Variants in CRIM1 observed in about 807,000 individuals in gnomAD.
CRIM1 encodes the protein cysteine rich transmembrane BMP regulator 1, also known as cysteine-rich motor neuron 1 protein.
In CRIM1, 32 loss-of-function variants were observed where a neutral mutation model predicts 116.4. That is an observed-to-expected ratio of 0.27 (90% CI 0.21 to 0.37). The LOEUF (loss-of-function observed/expected upper bound fraction) is 0.37. CRIM1 is among the 10% of genes least tolerant of loss of function. The pLI is 1.00. For synonymous variants in CRIM1, 590 were observed against 509.2 expected (o/e 1.16, Z -2.13); for missense variants, 1,331 against 1,354.8 (o/e 0.98, Z 0.28).
chr2:36,448,571 C>T (rs1180376091), intron 4 of CRIM1, among the ~76,000 whole-genome samples: 1 of 152,228 alleles, frequency 6.6e-6, no homozygotes, highest in Admixed American at 6.5e-5. Flanking sequence ...ATACCTCCAC[C>T]TTACTCACTT....
intron 8 of CRIM1, among the ~76,000 whole-genome samples, chr2:36,499,987 A>C (rs1680872656): frequency 6.6e-6 from 1 of 152,030 alleles, no homozygotes; most frequent in Admixed American, 6.6e-5. Context: ...ATCATTTGAC[A>C]CACAATATGT....
intron 2 of CRIM1, among the ~76,000 whole-genome samples, chr2:36,411,094 T>TA (rs1239136584): frequency 6.6e-6 from 1 of 152,240 alleles, no homozygotes; most frequent in Non-Finnish European, 1.5e-5. Flanking sequence ...TCTGTGGTAC[T>TA]AAAAAGAAAA....
At chr2:36,402,565 AT>A (rs919497697) in intron 2 of CRIM1, among the ~76,000 whole-genome samples, 14 of 151,956 alleles carry the variant, frequency 9.2e-5, no homozygotes, top group Non-Finnish European at 1.9e-4. Flanking sequence ...GTTTGACATG[AT>A]TTGTCTTTTA....
chr2:36,439,429 T>C (rs1394036824), intron 2 of CRIM1, among the ~76,000 whole-genome samples: 1 of 152,190 alleles, frequency 6.6e-6, no homozygotes, highest in African/African-American at 2.4e-5. Context: ...TCTTTCTATA[T>C]AATCAAATCT....
intron 2 of CRIM1, among the ~76,000 whole-genome samples, chr2:36,427,418 A>G (rs1440953532): frequency 1.3e-5 from 2 of 152,160 alleles, no homozygotes; most frequent in African/African-American, 4.8e-5. Flanking sequence ...AAGGATCAGA[A>G]CAAGAGCAGA....
chr2:36,525,144 C>T (rs550293572), intron 13 of CRIM1, among the ~76,000 whole-genome samples: 86 of 152,252 alleles, frequency 5.6e-4, no homozygotes, highest in Non-Finnish European at 1.2e-3. Flanking sequence ...ACCTTATTCA[C>T]TCGTTCATCT....
At chr2:36,445,317 C>T (rs1676155540) in intron 4 of CRIM1, among the ~76,000 whole-genome samples, 1 of 152,170 alleles carries the variant, frequency 6.6e-6, no homozygotes, top group Non-Finnish European at 1.5e-5. Context: ...CCCTCCATTC[C>T]AAGCACAGCA....
chr2:36,499,183 G>A, intron 7 of CRIM1, 36 bp from the exon 8 acceptor site: 1 of 1,542,034 alleles, frequency 6.5e-7, no homozygotes, highest in Non-Finnish European at 9.0e-7. Flanking sequence ...GTAATCATAT[G>A]TTTCATTGGT....
At chr2:36,361,072 A>G (rs1452384273) in intron 1 of CRIM1, among the ~76,000 whole-genome samples, 3 of 152,206 alleles carry the variant, frequency 2.0e-5, no homozygotes, top group Non-Finnish European at 4.4e-5. Flanking sequence ...GAGACCAACT[A>G]TTCACTGCAC....
intron 2 of CRIM1, among the ~76,000 whole-genome samples, chr2:36,407,389 G>A (rs1326139267): frequency 6.6e-6 from 1 of 152,112 alleles, no homozygotes; most frequent in Non-Finnish European, 1.5e-5. Context: ...TGTAAGTAGT[G>A]TACTTTTATT....
intron 2 of CRIM1, among the ~76,000 whole-genome samples, chr2:36,402,738 A>G (rs1207923357): frequency 6.6e-6 from 1 of 150,518 alleles, no homozygotes; most frequent in African/African-American, 2.5e-5. Context: ...TCGAGATACC[A>G]TTGGAAATAG....
intron 8 of CRIM1, among the ~76,000 whole-genome samples, chr2:36,502,163 C>T (rs72866859): frequency 1.3e-3 from 196 of 152,252 alleles, no homozygotes; most frequent in African/African-American, 4.5e-3. Context: ...CTTGGCCACC[C>T]GGTCATGCTT....
chr2:36,510,276 G>A (rs899158204), intron 9 of CRIM1, 137 bp downstream of exon 9: 2 of 786,388 alleles, frequency 2.5e-6, no homozygotes, highest in South Asian at 4.0e-5. Flanking sequence ...GTTTTGTTAG[G>A]TGATTCAGAA....
intron 15 of CRIM1, among the ~76,000 whole-genome samples, chr2:36,545,329 A>G (rs1322707696): frequency 6.6e-6 from 1 of 152,178 alleles, no homozygotes; most frequent in East Asian, 1.9e-4. Context: ...GGCTCTCTGT[A>G]TAATTGTTCT....
At chr2:36,419,477 T>C (rs1216595349) in intron 2 of CRIM1, among the ~76,000 whole-genome samples, 1 of 152,188 alleles carries the variant, frequency 6.6e-6, no homozygotes, top group Non-Finnish European at 1.5e-5. Flanking sequence ...CATCCCAGAA[T>C]AGGTAGTTTT....
intron 1 of CRIM1, among the ~76,000 whole-genome samples, chr2:36,382,222 C>T (rs545864906): frequency 3.9e-5 from 6 of 152,312 alleles, no homozygotes; most frequent in East Asian, 1.9e-4. Flanking sequence ...CCAAACTGCG[C>T]GTGTTGGCAA....
intron 7 of CRIM1, among the ~76,000 whole-genome samples, chr2:36,495,099 A>G (rs530121170): frequency 6.6e-6 from 1 of 152,308 alleles, no homozygotes; most frequent in South Asian, 2.1e-4. Flanking sequence ...TATCATGTAC[A>G]GGGATGCATC....
At chr2:36,460,160 G>A (rs1677468873) in intron 4 of CRIM1, among the ~76,000 whole-genome samples, 2 of 151,822 alleles carry the variant, frequency 1.3e-5, no homozygotes, top group Admixed American at 6.6e-5. Flanking sequence ...GTTACATTAT[G>A]CAAAAATTTA....
At chr2:36,541,806 T>A (rs534098622) in intron 14 of CRIM1, among the ~76,000 whole-genome samples, 68 of 152,272 alleles carry the variant, frequency 4.5e-4, no homozygotes, top group African/African-American at 1.6e-3. Flanking sequence ...TGCCAACAGC[T>A]GTAAAGGGCT....
Sources: gnomAD v4.1 joint callset for allele counts (sites outside exome capture counted in the v4.1 genomes callset) on GRCh38, gnomAD v4.1.1 for gene constraint, MANE v1.5 for transcripts, NCBI Gene and HGNC (gene_info 2026-07-23, HGNC 2026-07-21) for gene names.